LRMDA: variants seen among roughly 807,000 people sequenced by gnomAD.
LRMDA encodes the protein leucine rich melanocyte differentiation associated, also known as leucine-rich melanocyte differentiation-associated protein.
Under a neutral mutation model 29.8 loss-of-function variants are expected in LRMDA, and 18 were observed. The observed-to-expected ratio is 0.60, with a 90% CI of 0.42 to 0.90. LRMDA has a LOEUF of 0.90. LRMDA is among the 40% of genes least tolerant of loss of function. LRMDA has a pLI of 0.00. For missense variants in LRMDA, 273 were observed against 273.9 expected (o/e 1.00, Z 0.02); for synonymous variants, 125 against 109.4 (o/e 1.14, Z -0.89).
chr10:75,847,825 C>G (rs1051954210), intron 2 of LRMDA, among the ~76,000 whole-genome samples: 15 of 152,124 alleles, frequency 9.9e-5, no homozygotes, highest in Non-Finnish European at 1.9e-4. Context: ...AAAGATTCAT[C>G]ACTAATCATA....
intron 6 of LRMDA, chr10:76,403,268 C>T (rs1260882846): frequency 6.6e-6 from 1 of 151,886 alleles, no homozygotes; most frequent in Non-Finnish European, 1.5e-5. Context: ...TACCAAAAAC[C>T]CAGCAGAAGA....
intron 4 of LRMDA, among the ~76,000 whole-genome samples, chr10:76,051,249 T>C (rs565618434): frequency 2.8e-4 from 42 of 152,312 alleles, no homozygotes; most frequent in African/African-American, 8.9e-4. Context: ...GCTTTGAAGA[T>C]CACAAGAAAG....
At chr10:75,650,241 A>C (rs751850046) in intron 2 of LRMDA, among the ~76,000 whole-genome samples, 7 of 152,096 alleles carry the variant, frequency 4.6e-5, no homozygotes, top group African/African-American at 1.7e-4. Context: ...TAAAAGTTTT[A>C]TCGTTTTCAT....
chr10:75,570,266 G>A (rs191227413), intron 2 of LRMDA, among the ~76,000 whole-genome samples: 32 of 152,298 alleles, frequency 2.1e-4, no homozygotes, highest in Admixed American at 5.2e-4. Flanking sequence ...AGTTTTGAAA[G>A]TATCTTGAAA....
intron 2 of LRMDA, among the ~76,000 whole-genome samples, chr10:75,505,221 A>G (rs557325562): frequency 2.6e-5 from 4 of 152,242 alleles, no homozygotes; most frequent in Non-Finnish European, 5.9e-5. Flanking sequence ...TAAGCACTCC[A>G]GGGCTGATCT....
intron 6 of LRMDA, among the ~76,000 whole-genome samples, chr10:76,411,567 T>C (rs1841961811): frequency 6.6e-6 from 1 of 152,228 alleles, no homozygotes; most frequent in African/African-American, 2.4e-5. Flanking sequence ...TTTCAAGTGC[T>C]CCAGTTTATA....
intron 2 of LRMDA, chr10:75,882,896 G>A (rs1478202322): frequency 1.3e-5 from 2 of 152,268 alleles, no homozygotes; most frequent in African/African-American, 4.8e-5. Flanking sequence ...GGTGGCTGCT[G>A]GGGAATGATC....
chr10:75,893,079 C>G (rs916535772), intron 2 of LRMDA, among the ~76,000 whole-genome samples: 2 of 152,158 alleles, frequency 1.3e-5, no homozygotes, highest in African/African-American at 4.8e-5. Context: ...CTGGGTTGGA[C>G]TCGTGTGATA....
chr10:76,391,183 A>G (rs1323900328), intron 6 of LRMDA, among the ~76,000 whole-genome samples: 2 of 152,194 alleles, frequency 1.3e-5, no homozygotes, highest in Non-Finnish European at 2.9e-5. Context: ...TTAGGAAGCC[A>G]GGAATCCAGG....
In LRMDA at chr10:76,120,164, G is replaced by C. The variant is rs376643497; in HGVS notation, c.516+61381G>C. Among the ~76,000 whole-genome samples the C allele has an allele frequency of 3.3e-5, 5 of 150,794 alleles. No homozygotes were observed. The South Asian group carries it at 8.4e-4, about 25-fold the overall frequency. On this transcript the variant is annotated intron_variant, in intron 5 of 6. Transcript: ENST00000611255. ...TTCTTTATTTTCCATTTGTACATTG[G>C]TGACATGTCTACAGGTATGTGTTGA... is the stretch of plus-strand genomic sequence containing the variant.
At chr10:76,072,105 C>T (rs189206474) in intron 5 of LRMDA, among the ~76,000 whole-genome samples, 126 of 152,280 alleles carry the variant, frequency 8.3e-4, no homozygotes, top group African/African-American at 3.0e-3. Context: ...GTAATAAATA[C>T]TTACAGCATT....
intron 2 of LRMDA, among the ~76,000 whole-genome samples, chr10:75,907,714 A>G (rs912696270): frequency 6.6e-6 from 1 of 152,182 alleles, no homozygotes; most frequent in Non-Finnish European, 1.5e-5. Flanking sequence ...AGGGAGGGCG[A>G]AATCATCACA....
chr10:75,743,564 A>T (rs1023775713), intron 2 of LRMDA: 2 of 152,186 alleles, frequency 1.3e-5, no homozygotes, highest in African/African-American at 4.8e-5. Flanking sequence ...ACCTCTGGAG[A>T]CCAAAGAGTT....
At chr10:76,339,740 C>T (rs4604815) in intron 6 of LRMDA, among the ~76,000 whole-genome samples, 38,745 of 151,664 alleles carry the variant, frequency 0.26, 6,223 homozygotes, top group African/African-American at 0.44. Flanking sequence ...ATTGATAAAT[C>T]TGAAAATCTA....
At chr10:76,216,823 A>G (rs1310351405) in intron 5 of LRMDA, among the ~76,000 whole-genome samples, 1 of 152,252 alleles carries the variant, frequency 6.6e-6, no homozygotes, top group East Asian at 1.9e-4. Flanking sequence ...GATAGGACGC[A>G]TGTAAAGAAA....
chr10:75,472,907 A>G (rs1844743118), intron 2 of LRMDA, among the ~76,000 whole-genome samples: 1 of 152,210 alleles, frequency 6.6e-6, no homozygotes. Context: ...AGATCTTAGA[A>G]TTGAATGATC....
chr10:76,382,468 G>T (rs925456075), intron 6 of LRMDA, among the ~76,000 whole-genome samples: 2 of 152,124 alleles, frequency 1.3e-5, no homozygotes, highest in Middle Eastern at 3.2e-3. Context: ...AAATTTATGA[G>T]AACCTGCTGA....
At position 75,785,965 on chromosome 10, in the gene LRMDA, G is replaced by C. The variant is rs371011234; in HGVS notation, c.132-250043G>C. 6.6e-5 allele frequency among the ~76,000 whole-genome samples: 10 copies of C among 152,280 alleles called. No homozygotes were observed. The South Asian group carries it at 2.1e-3, about 32-fold the overall frequency. Reference sequence around the variant, plus strand: ...CAACCCTAGCTTGGGCCCTGCTTGGGCCTTTTCACATAATGAGTAGAATTC... The same window carrying C: ...CAACCCTAGCTTGGGCCCTGCTTGGCCCTTTTCACATAATGAGTAGAATTC... On this transcript the variant is annotated intron_variant, in intron 2 of 6. Transcript: ENST00000611255.
intron 2 of LRMDA, among the ~76,000 whole-genome samples, chr10:75,849,616 G>A (rs555185689): frequency 7.2e-5 from 11 of 152,244 alleles, no homozygotes; most frequent in South Asian, 2.1e-4. Context: ...GTGAGGTTGC[G>A]GGAGGGAGAG....
Sources: gnomAD v4.1 joint callset for allele counts (sites outside exome capture counted in the v4.1 genomes callset) on GRCh38, gnomAD v4.1.1 for gene constraint, MANE v1.5 for transcripts, NCBI Gene and HGNC (gene_info 2026-07-23, HGNC 2026-07-21) for gene names.